TNIK: variants seen among roughly 807,000 people sequenced by gnomAD.
The protein encoded by TNIK is TRAF2 and NCK-interacting protein kinase.
In TNIK, 49 loss-of-function variants were observed where a neutral mutation model predicts 191.3. The ratio of observed to expected loss-of-function variants is 0.26; its 90% CI spans 0.20 to 0.32. The LOEUF (loss-of-function observed/expected upper bound fraction) is 0.32. TNIK is among the 10% of genes least tolerant of loss of function. The pLI is 1.00. For synonymous variants in TNIK, 594 were observed against 600.9 expected (o/e 0.99, Z 0.17); for missense variants, 1,155 against 1,702.3 (o/e 0.68, Z 5.66).
chr3:171,228,394 C>T (rs771564909), intron 2 of TNIK, among the ~76,000 whole-genome samples, 173 bp from the exon 3 acceptor site: 2 of 152,098 alleles, frequency 1.3e-5, no homozygotes, highest in Admixed American at 6.6e-5. Flanking sequence ...TTTTGTAAAA[C>T]GTCCCCAGTC....
At chr3:171,297,354 C>T (rs1037669269) in intron 2 of TNIK, among the ~76,000 whole-genome samples, 1 of 152,158 alleles carries the variant, frequency 6.6e-6, no homozygotes, top group African/African-American at 2.4e-5. Flanking sequence ...CACCCCCACC[C>T]CAACTTTCAC....
intron 2 of TNIK, among the ~76,000 whole-genome samples, chr3:171,300,747 T>G (rs1752794638): frequency 6.6e-6 from 1 of 152,172 alleles, no homozygotes; most frequent in African/African-American, 2.4e-5. Flanking sequence ...AACCACAATG[T>G]TTTTCTAGAC....
At chr3:171,173,151 G>A (rs1236673898) in intron 9 of TNIK, among the ~76,000 whole-genome samples, 6 of 151,140 alleles carry the variant, frequency 4.0e-5, no homozygotes, top group South Asian at 2.1e-4. Context: ...TTGGGAGGCC[G>A]AGGCGGGCGG....
chr3:171,243,867 T>C (rs1038244191), intron 2 of TNIK, among the ~76,000 whole-genome samples: 1 of 152,134 alleles, frequency 6.6e-6, no homozygotes, highest in Non-Finnish European at 1.5e-5. Context: ...TATGTGGTTT[T>C]AGGAAACATA....
intron 1 of TNIK, among the ~76,000 whole-genome samples, chr3:171,385,841 A>C (rs761769436): frequency 5.3e-5 from 8 of 152,230 alleles, no homozygotes; most frequent in Non-Finnish European, 1.0e-4. Context: ...AGCATTTCAT[A>C]AGGCAAATGG....
chr3:171,317,318 A>T (rs1485280614), intron 2 of TNIK, among the ~76,000 whole-genome samples: 4 of 152,018 alleles, frequency 2.6e-5, no homozygotes, highest in South Asian at 2.1e-4. Context: ...AGCACCAGGG[A>T]CTCCATCACT....
At chr3:171,139,917 C>T (rs557125567) in intron 13 of TNIK, among the ~76,000 whole-genome samples, 1 of 152,318 alleles carries the variant, frequency 6.6e-6, no homozygotes, top group Admixed American at 6.5e-5. Flanking sequence ...GTGCAAGCAG[C>T]AGGAATAAGA....
intron 2 of TNIK, among the ~76,000 whole-genome samples, chr3:171,233,651 G>T (rs1384553751): frequency 6.6e-6 from 1 of 152,206 alleles, no homozygotes; most frequent in African/African-American, 2.4e-5. Context: ...GGATGGAAAG[G>T]GTGGAGAATG....
intron 1 of TNIK, among the ~76,000 whole-genome samples, chr3:171,407,254 G>A (rs1721817108): frequency 1.3e-5 from 2 of 152,180 alleles, no homozygotes; most frequent in African/African-American, 4.8e-5. Flanking sequence ...GGGAAGGTGG[G>A]CACAAGAGAT....
At chr3:171,197,078 G>A (rs996672258) in intron 4 of TNIK, among the ~76,000 whole-genome samples, 1 of 152,054 alleles carries the variant, frequency 6.6e-6, no homozygotes, top group Non-Finnish European at 1.5e-5. Context: ...GTGTAATAAT[G>A]GTACTGTAGT....
intron 32 of TNIK, among the ~76,000 whole-genome samples, chr3:171,064,892 G>A (rs1718228619): frequency 6.6e-6 from 1 of 152,166 alleles, no homozygotes; most frequent in South Asian, 2.1e-4. Context: ...GGAGGTCTCT[G>A]GAAATGCTTG....
chr3:171,413,210 T>C (rs1722628658), intron 1 of TNIK, among the ~76,000 whole-genome samples: 1 of 152,202 alleles, frequency 6.6e-6, no homozygotes. Flanking sequence ...CTCTAATGGG[T>C]CCTTAAATCT....
intron 3 of TNIK, among the ~76,000 whole-genome samples, chr3:171,227,442 G>A (rs1358375813): frequency 6.6e-6 from 1 of 152,102 alleles, no homozygotes; most frequent in Non-Finnish European, 1.5e-5. Flanking sequence ...AGACCTTTGG[G>A]AAAACAGTTA....
At chr3:171,257,671 G>A (rs769682693) in intron 2 of TNIK, among the ~76,000 whole-genome samples, 1 of 152,128 alleles carries the variant, frequency 6.6e-6, no homozygotes, top group Non-Finnish European at 1.5e-5. Context: ...GTTCCCACCA[G>A]CAACAAAGAG....
chr3:171,408,360 A>C (rs1721971500), intron 1 of TNIK, among the ~76,000 whole-genome samples: 1 of 152,222 alleles, frequency 6.6e-6, no homozygotes, highest in Non-Finnish European at 1.5e-5. Flanking sequence ...AGGAAATGAA[A>C]GATACCGGTG....
At chr3:171,234,568 G>A (rs528549998) in intron 2 of TNIK, among the ~76,000 whole-genome samples, 1 of 152,310 alleles carries the variant, frequency 6.6e-6, no homozygotes, top group Admixed American at 6.5e-5. Flanking sequence ...CCAACTGAAA[G>A]CTGAGACTTG....
Position 171,093,849 on chromosome 3 carries a change from A to C in TNIK, c.2711T>G (p.Met904Arg), listed in dbSNP as rs1560099380. The C allele has an allele frequency of 3.1e-6, 5 of 1,613,644 alleles. No homozygotes were observed. The highest frequency in any genetic ancestry group is 1.3e-5 in the African/African-American group (1 of 75,032). ...TTTATACCAACTTACCTCTCTAATC[A>C]TCAAGGTTCCTTCTCTTGAAATACT... ...SGSISREGTLMIRETSGEKKR... is the reference protein window; with the variant it reads ...SGSISREGTLRIRETSGEKKR... Residue 904 changes from methionine (M) to arginine (R), a missense_variant, in exon 23 of 33, where the codon ATG (methionine) becomes AGG (arginine). Met to Arg is a moderately conservative substitution (Grantham distance 91, BLOSUM62 -1). Around this residue, in one of 3 missense-constraint regions of TNIK, gnomAD observed 735 missense variants for 848.0 expected, o/e 0.87. Transcript: ENST00000436636.
chr3:171,107,595 C>T (rs1011023994), intron 20 of TNIK, among the ~76,000 whole-genome samples: 19 of 152,050 alleles, frequency 1.2e-4, no homozygotes, highest in South Asian at 6.2e-4. Flanking sequence ...GTTGTTACGA[C>T]GCCTGTTGGA....
chr3:171,273,056 C>CA (rs1749314113), intron 2 of TNIK, among the ~76,000 whole-genome samples: 1 of 152,200 alleles, frequency 6.6e-6, no homozygotes, highest in South Asian at 2.1e-4. Flanking sequence ...CTGCTAGGGC[C>CA]AGTGTGGCGC....
Sources: allele counts gnomAD v4.1 joint callset (sites outside exome capture counted in the v4.1 genomes callset), GRCh38; gene constraint gnomAD v4.1.1; regional missense constraint gnomAD v4.1.1; transcripts MANE v1.5; gene names NCBI Gene and HGNC (gene_info 2026-07-23, HGNC 2026-07-21).